Variants in AZI2 observed in about 807,000 individuals in gnomAD.
AZI2 encodes the protein 5-azacytidine induced 2.
Under a neutral mutation model 45.8 loss-of-function variants are expected in AZI2, and 22 were observed. The observed-to-expected ratio is 0.48, with a 90% CI of 0.34 to 0.69. AZI2 has a LOEUF of 0.69. AZI2 is among the 30% of genes least tolerant of loss of function. AZI2 has a pLI of 0.01. For synonymous variants in AZI2, 137 were observed against 156.7 expected (o/e 0.87, Z 0.94); for missense variants, 417 against 441.5 (o/e 0.94, Z 0.50).
intron 5 of AZI2, among the ~76,000 whole-genome samples, chr3:28,334,914 A>G (rs1703728133): frequency 6.6e-6 from 1 of 151,886 alleles, no homozygotes; most frequent in Non-Finnish European, 1.5e-5. Flanking sequence ...AAGTCCTGTA[A>G]GCATGATAGT....
chr3:28,324,044 A>C lies in AZI2; in HGVS notation c.1177T>G (p.Ter393GluextTer24), dbSNP rs771890725. The C allele has an allele frequency of 6.2e-7, 1 of 1,600,514 alleles. No individual in the cohort carries two copies. Among genetic ancestry groups the C allele is most frequent in the Non-Finnish European group, 8.5e-7 (1 of 1,170,754 alleles). Residue 393 changes from the stop codon to glutamate, a stop_lost, in exon 8 of 8, where the codon TAA (stop) becomes GAA (glutamate). Coordinates refer to ENST00000479665, the MANE Select transcript of AZI2 (RefSeq NM_022461.5). ...TGAAATCGTGAATCTCTTCCAAATTAATTCTTATAAAGGCAGTTCTGATTA... is the reference window on the plus strand; with the variant it reads ...TGAAATCGTGAATCTCTTCCAAATTCATTCTTATAAAGGCAGTTCTGATTA... ...QHNQNCLYKN[*>E]
Position 28,337,940 on chromosome 3 carries a change from G to T in AZI2, c.436C>A (p.Gln146Lys). The change falls in exon 4 of 8, where the codon CAG becomes AAG. Residue 146 changes from glutamine to lysine, a missense_variant. Transcript: ENST00000479665. ...TTATAACAAGTAACTGGCATACCCT[G>T]CTGAGTTTCCACCTCTGTCCTCAGC... The part of the protein sequence containing the change: ...LQLRTEVETQ[Q>K]VMRNLNPPSS... The T allele has an allele frequency of 6.5e-7, 1 of 1,546,106 alleles. No individual in the cohort carries two copies.
chr3:28,347,584 C>G (rs1390988420), intron 1 of AZI2, among the ~76,000 whole-genome samples: 1 of 152,124 alleles, frequency 6.6e-6, no homozygotes, highest in Non-Finnish European at 1.5e-5. Context: ...TAGCCTCTTA[C>G]CCATTGTCAA....
chr3:28,321,976 A>C lies in AZI2; in HGVS notation c.*2066T>G, dbSNP rs1362594445. 4 of 151,390 alleles carry C rather than the reference A, an allele frequency of 2.6e-5. No individual in the cohort carries two copies. Among genetic ancestry groups the C allele is most frequent in the African/African-American group, 9.7e-5 (4 of 41,348 alleles). 9.4% of individuals were successfully genotyped at this position (151,390 alleles called of 1,614,324 possible). A position where few individuals can be genotyped will look rare whatever the true frequency, so the allele number is the denominator to read the frequency against. On this transcript the variant is annotated 3_prime_UTR_variant, in exon 8 of 8. Transcript: ENST00000479665. Reference sequence around the variant, plus strand: ...GAGCAAGTTTCAGCTAGTATGAAAGAAGTCAACATAAAATATTCAATTTTA... The same window carrying C: ...GAGCAAGTTTCAGCTAGTATGAAAGCAGTCAACATAAAATATTCAATTTTA...
Position 28,321,563 on chromosome 3 carries a change from T to A in AZI2, c.*2479A>T, listed in dbSNP as rs575855486. ...TCTGTCTCAGTTGTGTCTTGCTTGC[T>A]TATGGGTGCCTCTGTTGATATTATT... On this transcript the variant is annotated 3_prime_UTR_variant, in exon 8 of 8. Transcript: ENST00000479665. 17 of 151,496 alleles carry A rather than the reference T, an allele frequency of 1.1e-4. No homozygotes were observed. The highest frequency in any genetic ancestry group is 9.9e-4 in the Admixed American group (15 of 15,144). The allele number at this position is 151,496 out of a possible 1,614,324, so 9.4% of individuals were successfully genotyped here.
intron 1 of AZI2, among the ~76,000 whole-genome samples, chr3:28,346,572 ATCAAGGCC>A (rs67340714): frequency 0.2 from 31,067 of 151,922 alleles, 3,524 homozygotes; most frequent in Admixed American, 0.28. Context: ...TGAAGTTTGA[ATCAAGGCC>A]TATATGGTAG....
In AZI2 at chr3:28,326,886, G is replaced by A; in HGVS notation, c.712C>T (p.Gln238Ter). 1.2e-6 allele frequency: 2 copies of A among 1,608,520 alleles called. No individual in the cohort carries two copies. The highest frequency in any genetic ancestry group is 8.5e-7 in the Non-Finnish European group (1 of 1,176,074). The change falls in exon 7 of 8, where the codon CAA becomes TAA. Residue 238 changes from glutamine (Q) to a stop codon, truncating the protein, a stop_gained. Transcript: ENST00000479665. LOFTEE classifies it high-confidence loss of function. The part of the protein sequence containing the change: ...REMSNLHLVT[Q>*]VQAELLRKLK... The stretch of plus-strand genomic sequence containing the variant: ...TTTCTTAGTAGTTCAGCTTGTACTT[G>A]AGTCACCAGATGTAAATTAGACATT...
At position 28,338,554 on chromosome 3, in the gene AZI2, T is replaced by C. The variant is rs1422144480; in HGVS notation, c.278A>G (p.Tyr93Cys). ...SVGREQVNKA[Y>C]HAYREVCIDR... The stretch of plus-strand genomic sequence containing the variant: ...AATGCAAACCTCTCGATATGCATGA[T>C]AGGCCTTATTTACTTGTTCTCGTCC... Residue 93 changes from tyrosine to cysteine, a missense_variant, in exon 3 of 8, where the codon TAT becomes TGT. Tyr to Cys is a radical substitution (Grantham distance 194, BLOSUM62 -2). Coordinates refer to ENST00000479665, the MANE Select transcript of AZI2 (RefSeq NM_022461.5). The C allele has an allele frequency of 7.5e-6, 12 of 1,609,926 alleles. No individual in the cohort carries two copies. Among genetic ancestry groups the C allele is most frequent in the African/African-American group, 1.3e-5 (1 of 74,880 alleles).
At chr3:28,324,689 CTT>C (rs1335826070) in intron 7 of AZI2, 2 of 361,450 alleles carry the variant, frequency 5.5e-6, no homozygotes, top group Non-Finnish European at 9.9e-6. Flanking sequence ...CCTGATGTCT[CTT>C]TCCTTGTCTG....
chr3:28,324,052 T>C lies in AZI2; in HGVS notation c.1169A>G (p.Tyr390Cys), dbSNP rs1445258343. ...TGAATCTCTTCCAAATTAATTCTTA[T>C]AAAGGCAGTTCTGATTATGTTGATC... ...YLDQHNQNCLYKN is the reference protein window; with the variant it reads ...YLDQHNQNCLCKN The change falls in exon 8 of 8, where the codon TAT becomes TGT. Residue 390 changes from tyrosine to cysteine, a missense_variant. By Grantham distance (194) the Tyr-to-Cys change is radical (BLOSUM62 -2). Coordinates refer to ENST00000479665, the MANE Select transcript of AZI2 (RefSeq NM_022461.5). 4.4e-6 allele frequency: 7 copies of C among 1,603,890 alleles called. No individual in the cohort carries two copies. Among genetic ancestry groups the C allele is most frequent in the Middle Eastern group, 1.7e-4 (1 of 6,012 alleles).
At chr3:28,338,099 T>C in intron 3 of AZI2, 63 bp from the exon 4 acceptor site, 1 of 941,646 alleles carries the variant, frequency 1.1e-6, no homozygotes, top group Non-Finnish European at 1.5e-6. Context: ...TATATTGTAA[T>C]TTTCAGGAAG....
chr3:28,330,733 C>T (rs1027189380), intron 6 of AZI2, among the ~76,000 whole-genome samples: 2 of 151,266 alleles, frequency 1.3e-5, no homozygotes, highest in African/African-American at 4.8e-5. Flanking sequence ...CTACCTGATA[C>T]AAATGCAAAC....
intron 6 of AZI2, 132 bp from the exon 7 acceptor site, chr3:28,327,082 T>C (rs942070804): frequency 8.0e-6 from 5 of 623,332 alleles, no homozygotes; most frequent in Non-Finnish European, 1.4e-5. Context: ...AAAAAAACAA[T>C]TGAAAGATAT....
At chr3:28,340,365 T>C in intron 2 of AZI2, 37 bp downstream of exon 2, 1 of 1,331,900 alleles carries the variant, frequency 7.5e-7, no homozygotes. Flanking sequence ...TTATTCCTTA[T>C]GTCACAAACG....
chr3:28,337,695 T>C (rs1211065620), intron 4 of AZI2, among the ~76,000 whole-genome samples: 1 of 152,136 alleles, frequency 6.6e-6, no homozygotes, highest in East Asian at 1.9e-4. Flanking sequence ...TTCTGCTTCA[T>C]CACAACCTAG....
At chr3:28,329,738 T>C (rs183167386) in intron 6 of AZI2, among the ~76,000 whole-genome samples, 21 of 151,358 alleles carry the variant, frequency 1.4e-4, no homozygotes, top group Admixed American at 1.1e-3. Context: ...CCAAGAGTTA[T>C]AGACTTAAAA....
chr3:28,337,076 G>T, intron 4 of AZI2, 191 bp from the exon 5 acceptor site: 1 of 544,826 alleles, frequency 1.8e-6, no homozygotes, highest in Non-Finnish European at 3.0e-6. Context: ...GAGAAATCTA[G>T]CAATCTTGTT....
chr3:28,342,064 A>G (rs1007201987), intron 1 of AZI2, among the ~76,000 whole-genome samples: 1 of 151,992 alleles, frequency 6.6e-6, no homozygotes, highest in Non-Finnish European at 1.5e-5. Flanking sequence ...TCCCTTTAAC[A>G]TTTCTTTTGC....
chr3:28,324,037 C>A lies in AZI2; in HGVS notation c.*5G>T, dbSNP rs1169747495. 2.5e-6 allele frequency: 4 copies of A among 1,596,812 alleles called. No individual in the cohort carries two copies. The highest frequency in any genetic ancestry group is 3.4e-6 in the Non-Finnish European group (4 of 1,168,256). On this transcript the variant is annotated 3_prime_UTR_variant, in exon 8 of 8. Coordinates refer to ENST00000479665, the MANE Select transcript of AZI2 (RefSeq NM_022461.5). ...CTCATGGTGAAATCGTGAATCTCTT[C>A]CAAATTAATTCTTATAAAGGCAGTT...
Sources: allele counts gnomAD v4.1 joint callset (sites outside exome capture counted in the v4.1 genomes callset), GRCh38; gene constraint gnomAD v4.1.1; transcripts MANE v1.5; gene names NCBI Gene and HGNC (gene_info 2026-07-23, HGNC 2026-07-21).